MGAT3: variants seen among roughly 807,000 people sequenced by gnomAD.
MGAT3 encodes the protein GlcNAc-T III.
In MGAT3, 9 loss-of-function variants were observed where a neutral mutation model predicts 29.8. The observed-to-expected ratio is 0.30, with a 90% CI of 0.18 to 0.53. MGAT3 has a LOEUF of 0.53. MGAT3 is among the 20% of genes least tolerant of loss of function. MGAT3 has a pLI of 0.96. For missense variants in MGAT3, 557 were observed against 769.5 expected (o/e 0.72, Z 3.27); for synonymous variants, 397 against 348.9 (o/e 1.14, Z -1.54).
At chr22:39,481,001 A>T (rs1345703788) in intron 1 of MGAT3, among the ~76,000 whole-genome samples, 2 of 151,988 alleles carry the variant, frequency 1.3e-5, no homozygotes, top group Non-Finnish European at 2.9e-5. Flanking sequence ...CATTCTCAGC[A>T]GAGCAGCCAA....
Position 39,487,488 on chromosome 22 carries a change from C to G in MGAT3, c.141C>G (p.Ser47=). 6.2e-7 allele frequency: 1 copy of G among 1,613,622 alleles called. No individual in the cohort carries two copies. The highest frequency in any genetic ancestry group is 8.5e-7 in the Non-Finnish European group (1 of 1,179,990). Residue 47 remains serine (S), a synonymous_variant, in exon 2 of 2, where the codon TCC becomes TCG. Coordinates refer to ENST00000341184, the MANE Select transcript of MGAT3 (RefSeq NM_002409.5). This position sits in a 1 kb window ranked among gnomAD's most constrained non-coding sequence, Gnocchi z 5.7. ...CCTCCCTCAGCCCTAACCTGGTGTC[C>G]AGCTTTTTCTGGAACAATGCCCCGG... The part of the protein sequence containing the change: ...ELASLSPNLV[S]SFFWNNAPVT...
chr22:39,486,793 G>A (rs1929284902), intron 1 of MGAT3, among the ~76,000 whole-genome samples: 1 of 152,144 alleles, frequency 6.6e-6, no homozygotes, highest in South Asian at 2.1e-4. Flanking sequence ...GAGCCACCAC[G>A]CCTGGCCTAA....
chr22:39,489,055 TG>T lies in MGAT3; in HGVS notation c.*109del. 1.9e-6 allele frequency: 1 copy of T among 513,894 alleles called. No homozygotes were observed. The highest frequency in any genetic ancestry group is 3.0e-6 in the Non-Finnish European group (1 of 331,824). The allele number at this position is 513,894 out of a possible 1,614,324, so 31.8% of individuals were successfully genotyped here. On this transcript the variant is annotated 3_prime_UTR_variant, in exon 2 of 2. Transcript: ENST00000341184. The stretch of plus-strand genomic sequence containing the variant: ...CCTTGGTTCTTGAGGGGACCAGGAG[TG>T]GGTGGGGAGTGGGGGTGGGGGTAGG...
intron 1 of MGAT3, among the ~76,000 whole-genome samples, chr22:39,465,510 A>G (rs908253208): frequency 4.6e-5 from 7 of 152,222 alleles, no homozygotes; most frequent in Non-Finnish European, 8.8e-5. Context: ...AGAACGCTGC[A>G]CAAACTCATC....
intron 1 of MGAT3, among the ~76,000 whole-genome samples, chr22:39,475,255 T>C (rs1928924527): frequency 6.6e-6 from 1 of 151,832 alleles, no homozygotes; most frequent in Non-Finnish European, 1.5e-5. Context: ...GGCGAGTCCC[T>C]GGGCTTTGTT....
intron 1 of MGAT3, among the ~76,000 whole-genome samples, chr22:39,463,040 G>C (rs1230032226): frequency 1.3e-5 from 2 of 152,154 alleles, no homozygotes; most frequent in African/African-American, 4.8e-5. Context: ...TCTAAGTGAG[G>C]GAGGCCGGCC....
chr22:39,482,116 G>T (rs1929145139), intron 1 of MGAT3, among the ~76,000 whole-genome samples: 1 of 151,438 alleles, frequency 6.6e-6, no homozygotes, highest in African/African-American at 2.4e-5. Flanking sequence ...AGTTCTGCAT[G>T]CCTGGCACTG....
rs367690636 is a variant in MGAT3, at chr22:39,488,522, T to C, written c.1175T>C (p.Phe392Ser). The change falls in exon 2 of 2, where the codon TTC becomes TCC. Residue 392 changes from phenylalanine (F) to serine (S), a missense_variant. By Grantham distance (155) the Phe-to-Ser change is radical. This residue lies in a region of MGAT3 where 243 missense variants were observed against 444.0 expected (regional missense o/e 0.55). Transcript: ENST00000341184. The stretch of plus-strand genomic sequence containing the variant: ...CGCCAGTACTACACCATGCCCAACT[T>C]CAGACAGTATGAGAACCGCACCGGC... ...RRRQYYTMPN[F>S]RQYENRTGHI... The C allele has an allele frequency of 1.9e-6, 3 of 1,613,130 alleles. No homozygotes were observed. The highest frequency in any genetic ancestry group is 1.3e-5 in the African/African-American group (1 of 74,924).
rs745813292 is a variant in MGAT3 at position 39,488,607 on chromosome 22, C to G, written c.1260C>G (p.Ser420=). Residue 420 remains serine, a synonymous_variant, in exon 2 of 2, where the codon TCC becomes TCG. Transcript: ENST00000341184. ...TGCACTTCGCCGGCTGGCACTGCTCCTGGTGCTTCACGCCCGAGGGCATCT... is the reference window on the plus strand; with the variant it reads ...TGCACTTCGCCGGCTGGCACTGCTCGTGGTGCTTCACGCCCGAGGGCATCT... ...SPLHFAGWHC[S]WCFTPEGIYF... 1.9e-6 allele frequency: 3 copies of G among 1,613,346 alleles called. No homozygotes were observed. In the Admixed American group the frequency reaches 5.0e-5, roughly 27 times the overall value.
chr22:39,468,860 G>A (rs1601720617), intron 1 of MGAT3, among the ~76,000 whole-genome samples: 1 of 151,942 alleles, frequency 6.6e-6, no homozygotes, highest in African/African-American at 2.4e-5. Context: ...CAGCTCAGCC[G>A]AATCCTCCAG....
chr22:39,463,306 G>C (rs1928548529), intron 1 of MGAT3, among the ~76,000 whole-genome samples: 1 of 152,244 alleles, frequency 6.6e-6, no homozygotes, highest in Admixed American at 6.5e-5. Flanking sequence ...CAGCTGGGAA[G>C]TGGCAGGGCT....
intron 1 of MGAT3, among the ~76,000 whole-genome samples, chr22:39,475,587 G>A (rs909284520): frequency 6.6e-6 from 1 of 152,056 alleles, no homozygotes; most frequent in Admixed American, 6.5e-5. Flanking sequence ...CCACTGCCCC[G>A]CCCCTGGCCC....
intron 1 of MGAT3, among the ~76,000 whole-genome samples, chr22:39,486,978 G>T (rs982930657): frequency 6.6e-6 from 1 of 152,178 alleles, no homozygotes; most frequent in Non-Finnish European, 1.5e-5. Flanking sequence ...GTCCTGGGGC[G>T]GAGTCTGTAC....
rs552820157 is a variant in MGAT3, at chr22:39,472,339, G to C, written c.-2+14782G>C. Among the ~76,000 whole-genome samples, 4 of 152,280 alleles carry C rather than the reference G, an allele frequency of 2.6e-5. No homozygotes were observed. In the South Asian group the frequency reaches 8.3e-4, roughly 32 times the overall value. Reference sequence around the variant, plus strand: ...TGCCCGGTACTTTGTCAGAGACTCGGGGTCCCGCCGTGCCGAGAGTGTATT... The same window carrying C: ...TGCCCGGTACTTTGTCAGAGACTCGCGGTCCCGCCGTGCCGAGAGTGTATT... On this transcript the variant is annotated intron_variant, in intron 1 of 1. Transcript: ENST00000341184.
chr22:39,488,508 C>T lies in MGAT3; in HGVS notation c.1161C>T (p.Tyr387=), dbSNP rs373801022. 10 of 1,613,128 alleles carry T rather than the reference C, an allele frequency of 6.2e-6. No homozygotes were observed. In the African/African-American group the frequency reaches 1.2e-4, roughly 19 times the overall value. Residue 387 remains tyrosine (Y), a synonymous_variant, in exon 2 of 2, where the codon TAC becomes TAT. Coordinates refer to ENST00000341184, the MANE Select transcript of MGAT3 (RefSeq NM_002409.5). The stretch of plus-strand genomic sequence containing the variant: ...TCCGCCTGCGCCGCCGCCAGTACTA[C>T]ACCATGCCCAACTTCAGACAGTATG... The part of the protein sequence containing the change: ...DGIRLRRRQY[Y]TMPNFRQYEN...
chr22:39,464,500 C>T (rs1928583215), intron 1 of MGAT3, among the ~76,000 whole-genome samples: 2 of 151,954 alleles, frequency 1.3e-5, no homozygotes, highest in South Asian at 2.1e-4. Flanking sequence ...AGTGCAGTGG[C>T]GCGATCTCAG....
At chr22:39,470,047 G>A (rs745310746) in intron 1 of MGAT3, among the ~76,000 whole-genome samples, 1 of 152,276 alleles carries the variant, frequency 6.6e-6, no homozygotes, top group Non-Finnish European at 1.5e-5. Context: ...TCATCCAGCA[G>A]CTGTCCCTGC....
In MGAT3 at chr22:39,491,858, A is replaced by T. The variant is rs1239768952; in HGVS notation, c.*2909A>T. On this transcript the variant is annotated 3_prime_UTR_variant, in exon 2 of 2. Transcript: ENST00000341184. The surrounding 1 kb of genome is among the most constrained non-coding windows in gnomAD (Gnocchi z 5.5). ...GGGAATAACTGGCCCTGAGACCCCTAGACCCAAGGAGGCCTGTCCATGCCA... is the reference window on the plus strand; with the variant it reads ...GGGAATAACTGGCCCTGAGACCCCTTGACCCAAGGAGGCCTGTCCATGCCA... The T allele has an allele frequency of 6.0e-6, 1 of 166,948 alleles. No homozygotes were observed. Among genetic ancestry groups the T allele is most frequent in the Non-Finnish European group, 1.5e-5 (1 of 68,080 alleles). The allele number at this position is 166,948 out of a possible 1,614,324, so 10.3% of individuals were successfully genotyped here.
intron 1 of MGAT3, among the ~76,000 whole-genome samples, chr22:39,481,728 G>A (rs1929131885): frequency 6.6e-6 from 1 of 152,174 alleles, no homozygotes; most frequent in African/African-American, 2.4e-5. Context: ...CTTTACCACT[G>A]GATACAACCC....
Sources: allele counts gnomAD v4.1 joint callset (sites outside exome capture counted in the v4.1 genomes callset), GRCh38; gene constraint gnomAD v4.1.1; regional missense constraint gnomAD v4.1.1; non-coding constraint Gnocchi (gnomAD v3.1); transcripts MANE v1.5; gene names NCBI Gene and HGNC (gene_info 2026-07-23, HGNC 2026-07-21).